STARD4: variants seen among roughly 807,000 people sequenced by gnomAD.
STARD4 encodes StAR related lipid transfer domain containing 4, also known as stAR-related lipid transfer protein 4.
STARD4 carries 33 observed loss-of-function variants against 24.9 expected under a neutral mutation model. The observed-to-expected ratio is 1.32, with a 90% CI of 1.00 to 1.77. The LOEUF (loss-of-function observed/expected upper bound fraction) is 1.77, where lower values mean the gene tolerates loss of function less well. STARD4 is among the 40% of genes most tolerant of loss of function. The pLI, the probability that STARD4 is intolerant of heterozygous loss-of-function variation, is 0.00. For missense variants in STARD4, 238 were observed against 249.3 expected (o/e 0.95, Z 0.31); for synonymous variants, 88 against 77.4 (o/e 1.14, Z -0.72).
Position 111,497,535 on chromosome 5 carries a change from A to T in STARD4, c.*2351T>A, listed in dbSNP as rs1416337878. ...AAAATTAGTACAAGAAATAGTACAA[A>T]CTATCAGAATAAATCTTTACATCAA... On this transcript the variant is annotated 3_prime_UTR_variant, in exon 6 of 6. Transcript: ENST00000296632. 2 of 152,104 alleles carry T rather than the reference A, an allele frequency of 1.3e-5. No individual in the cohort carries two copies. The highest frequency in any genetic ancestry group is 2.9e-5 in the Non-Finnish European group (2 of 67,930). 9.4% of individuals were successfully genotyped at this position (152,104 alleles called of 1,614,324 possible). A position where few individuals can be genotyped will look rare whatever the true frequency, so the allele number is the denominator to read the frequency against.
At position 111,499,775 on chromosome 5, in the gene STARD4, A is replaced by G. The variant is rs1744481279; in HGVS notation, c.*111T>C. On this transcript the variant is annotated 3_prime_UTR_variant, in exon 6 of 6. Transcript: ENST00000296632. ...AACATTGTACTAGTGAACCAAAAAC[A>G]TTTCAAATTTTTCTACCGGCTATGC... is the stretch of plus-strand genomic sequence containing the variant. 3.0e-6 allele frequency: 3 copies of G among 1,009,350 alleles called. No homozygotes were observed. The South Asian group carries it at 4.9e-5, about 16-fold the overall frequency. The allele number at this position is 1,009,350 out of a possible 1,614,324, so 62.5% of individuals were successfully genotyped here. A position where few individuals can be genotyped will look rare whatever the true frequency, so the allele number is the denominator to read the frequency against.
In STARD4 at chr5:111,498,108, T is replaced by C. The variant is rs1489827976; in HGVS notation, c.*1778A>G. On this transcript the variant is annotated 3_prime_UTR_variant, in exon 6 of 6. Transcript: ENST00000296632. ...ATCAATAAAGCTGTTTTTGTTTTTT[T>C]AAAGTACACAGCTAGAGCCCAGCAG... The C allele has an allele frequency of 6.6e-6, 1 of 152,036 alleles. No homozygotes were observed. Among genetic ancestry groups the C allele is most frequent in the Non-Finnish European group, 1.5e-5 (1 of 67,946 alleles). The allele number at this position is 152,036 out of a possible 1,614,324, so 9.4% of individuals were successfully genotyped here.
rs1007386685 is a variant in STARD4, at chr5:111,498,417, T to C, written c.*1469A>G. ...GTGTACTATCTTGTCACAAATCCCTTACTCAAGTTAGGCACCTTTGGAATT... is the reference window on the plus strand; with the variant it reads ...GTGTACTATCTTGTCACAAATCCCTCACTCAAGTTAGGCACCTTTGGAATT... On this transcript the variant is annotated 3_prime_UTR_variant, in exon 6 of 6. Transcript: ENST00000296632. The C allele has an allele frequency of 6.6e-6, 1 of 151,712 alleles. No homozygotes were observed. The highest frequency in any genetic ancestry group is 1.5e-5 in the Non-Finnish European group (1 of 67,906). 9.4% of individuals were successfully genotyped at this position (151,712 alleles called of 1,614,324 possible).
In STARD4 at chr5:111,501,033, A is replaced by C. The variant is rs1756405395; in HGVS notation, c.366T>G (p.Thr122=). 6.2e-7 allele frequency: 1 copy of C among 1,613,580 alleles called. No homozygotes were observed. The highest frequency in any genetic ancestry group is 8.5e-7 in the Non-Finnish European group (1 of 1,179,822). The change falls in exon 5 of 6, where the codon ACT becomes ACG. Residue 122 remains threonine, a synonymous_variant. Coordinates refer to ENST00000296632, the MANE Select transcript of STARD4 (RefSeq NM_139164.3). ...ATAAAAGCCCTTCTTTATAGCCCAC[A>C]GTATAGGAGAAATCAACAAATTCTC... The part of the protein sequence containing the change: ...SPREFVDFSY[T]VGYKEGLLSC...
chr5:111,497,023 TATA>T lies in STARD4; in HGVS notation c.*2860_*2862del, dbSNP rs1023083814. On this transcript the variant is annotated 3_prime_UTR_variant, in exon 6 of 6. Transcript: ENST00000296632. Reference sequence around the variant, plus strand: ...ATATTTCATGCAAAAGTATCACTTTTATAATAATCTTTTTCTTGTATGAAACTA... The same window carrying T: ...ATATTTCATGCAAAAGTATCACTTTTATAATCTTTTTCTTGTATGAAACTA... 3.3e-5 allele frequency: 5 copies of T among 152,042 alleles called. No homozygotes were observed. Among genetic ancestry groups the T allele is most frequent in the Admixed American group, 2.0e-4 (3 of 15,252 alleles). The allele number at this position is 152,042 out of a possible 1,614,324, so 9.4% of individuals were successfully genotyped here. A position where few individuals can be genotyped will look rare whatever the true frequency, so the allele number is the denominator to read the frequency against.
chr5:111,499,589 T>C lies in STARD4; in HGVS notation c.*297A>G, dbSNP rs745456950. 43 of 304,604 alleles carry C rather than the reference T, an allele frequency of 1.4e-4. No individual in the cohort carries two copies. Among genetic ancestry groups the C allele is most frequent in the Non-Finnish European group, 2.5e-4 (41 of 163,790 alleles). 18.9% of individuals were successfully genotyped at this position (304,604 alleles called of 1,614,324 possible). A position where few individuals can be genotyped will look rare whatever the true frequency, so the allele number is the denominator to read the frequency against. ...TTCCCAGCTATTCAGGAGGCTGAGG[T>C]AGAATAACCCCTTGAGCGGTCAGAT... On this transcript the variant is annotated 3_prime_UTR_variant, in exon 6 of 6. Coordinates refer to ENST00000296632, the MANE Select transcript of STARD4 (RefSeq NM_139164.3).
chr5:111,503,358 C>T (rs749516432), intron 3 of STARD4, among the ~76,000 whole-genome samples: 2 of 152,034 alleles, frequency 1.3e-5, no homozygotes, highest in African/African-American at 4.8e-5. Flanking sequence ...GGGCCAGGCG[C>T]GGTGGCTCAT....
chr5:111,500,402 G>A, intron 5 of STARD4: 1 of 1,102,010 alleles, frequency 9.1e-7, no homozygotes, highest in Non-Finnish European at 1.1e-6. Context: ...GCCTTGAGGT[G>A]CCAAAAATCA....
chr5:111,504,775 CTCT>C (rs1233376299), intron 3 of STARD4, among the ~76,000 whole-genome samples: 2 of 152,146 alleles, frequency 1.3e-5, no homozygotes, highest in African/African-American at 4.8e-5. Flanking sequence ...TCAACTATGG[CTCT>C]TCTTCTTCTC....
At chr5:111,501,225 A>C in intron 4 of STARD4, 109 bp from the exon 5 acceptor site, 1 of 1,141,120 alleles carries the variant, frequency 8.8e-7, no homozygotes. Flanking sequence ...AAAATGTTTC[A>C]TAATTATAAT....
intron 3 of STARD4, 82 bp downstream of exon 3, chr5:111,506,248 A>G (rs1324551564): frequency 1.8e-6 from 1 of 547,658 alleles, no homozygotes; most frequent in East Asian, 3.3e-5. Flanking sequence ...GCTAAATCTT[A>G]CTAGCAATGA....
At position 111,497,679 on chromosome 5, in the gene STARD4, CACTT is replaced by C. The variant is rs1277449996; in HGVS notation, c.*2203_*2206del. ...TCTAGAATTTTTTAATTACATATAT[CACTT>C]ACATTATTGTTCTATCCTACAGCAT... is the stretch of plus-strand genomic sequence containing the variant. On this transcript the variant is annotated 3_prime_UTR_variant, in exon 6 of 6. Transcript: ENST00000296632. 4 of 151,864 alleles carry C rather than the reference CACTT, an allele frequency of 2.6e-5. No individual in the cohort carries two copies. Among genetic ancestry groups the C allele is most frequent in the African/African-American group, 7.2e-5 (3 of 41,380 alleles). The allele number at this position is 151,864 out of a possible 1,614,324, so 9.4% of individuals were successfully genotyped here.
At chr5:111,504,207 A>G (rs2112556149) in intron 3 of STARD4, among the ~76,000 whole-genome samples, 1 of 152,344 alleles carries the variant, frequency 6.6e-6, no homozygotes, top group East Asian at 1.9e-4. Context: ...AAAGAGATAT[A>G]TACCAAGAGG....
intron 2 of STARD4, among the ~76,000 whole-genome samples, chr5:111,506,895 C>T (rs997006427): frequency 1.3e-5 from 2 of 152,148 alleles, no homozygotes; most frequent in South Asian, 2.1e-4. Context: ...AGAATTAGTT[C>T]TAGCAACACT....
chr5:111,500,129 G>A, intron 5 of STARD4, 23 bp from the exon 6 acceptor site: 1 of 1,575,916 alleles, frequency 6.3e-7, no homozygotes, highest in Non-Finnish European at 8.6e-7. Flanking sequence ...TTTTAAAATA[G>A]CACTATTAAT....
At chr5:111,503,340 T>C (rs1254992510) in intron 3 of STARD4, among the ~76,000 whole-genome samples, 6 of 152,236 alleles carry the variant, frequency 3.9e-5, no homozygotes, top group Non-Finnish European at 7.4e-5. Context: ...GTGTAAAACA[T>C]GTAAAATGGG....
intron 3 of STARD4, chr5:111,506,077 C>T (rs1392254187): frequency 3.3e-5 from 7 of 213,972 alleles, no homozygotes; most frequent in East Asian, 9.9e-5. Flanking sequence ...GCCTGTAATC[C>T]GAGCTACTCG....
intron 2 of STARD4, among the ~76,000 whole-genome samples, chr5:111,506,746 CTT>C (rs1756892278): frequency 6.6e-6 from 1 of 152,190 alleles, no homozygotes; most frequent in Non-Finnish European, 1.5e-5. Flanking sequence ...TTGTTCATAA[CTT>C]TTAAAAAATT....
At position 111,496,619 on chromosome 5, in the gene STARD4, C is replaced by T. The variant is rs1381651935; in HGVS notation, c.*3267G>A. 3 of 152,080 alleles carry T rather than the reference C, an allele frequency of 2.0e-5. No homozygotes were observed. Among genetic ancestry groups the T allele is most frequent in the East Asian group, 3.8e-4 (2 of 5,196 alleles). 9.4% of individuals were successfully genotyped at this position (152,080 alleles called of 1,614,324 possible). On this transcript the variant is annotated 3_prime_UTR_variant, in exon 6 of 6. Transcript: ENST00000296632. The stretch of plus-strand genomic sequence containing the variant: ...TAAAAGCTCAACAGACAATTAAGGG[C>T]TTAAATTATACAATGTTTTCCCATC...
Sources: gnomAD v4.1 joint callset for allele counts (sites outside exome capture counted in the v4.1 genomes callset) on GRCh38, gnomAD v4.1.1 for gene constraint, MANE v1.5 for transcripts, NCBI Gene and HGNC (gene_info 2026-07-23, HGNC 2026-07-21) for gene names.